The following GTF2H3 variants were observed in gnomAD, a reference collection of about 807,000 sequenced individuals.
GTF2H3 encodes the protein general transcription factor IIH subunit 3.
GTF2H3 carries 42 observed loss-of-function variants against 51.1 expected under a neutral mutation model. The ratio of observed to expected loss-of-function variants is 0.82; its 90% CI spans 0.64 to 1.06. The LOEUF (loss-of-function observed/expected upper bound fraction) is 1.06. Ranked by LOEUF, GTF2H3 falls within the 50% of genes least tolerant of loss-of-function variation. GTF2H3 has a pLI of 0.00. For synonymous variants in GTF2H3, 123 were observed against 123.8 expected, an observed-to-expected ratio of 0.99 and a Z score of 0.04; for missense variants, 326 against 366.1, an observed-to-expected ratio of 0.89 and a Z score of 0.89.
chr12:123,654,276 G>A (rs1955556645), intron 7 of GTF2H3, among the ~76,000 whole-genome samples: 1 of 96,694 alleles, frequency 1.0e-5, no homozygotes, highest in Non-Finnish European at 2.0e-5. Flanking sequence ...GGTGTATTTT[G>A]GGGGGTATGT....
chr12:123,641,766 CT>C (rs1242645472), intron 2 of GTF2H3, among the ~76,000 whole-genome samples: 1 of 152,012 alleles, frequency 6.6e-6, no homozygotes, highest in Non-Finnish European at 1.5e-5. Flanking sequence ...CCTTTACTGT[CT>C]TTTGTGTTAA....
In GTF2H3 at chr12:123,654,916, AT is replaced by A. The variant is rs752896931; in HGVS notation, c.487-3del. ...CCTGGGTGGAATTAACATGACTGTG[AT>A]TTTTAGGTGATTAAGGCTGCAGAAG... On this transcript the variant is annotated splice_polypyrimidine_tract_variant and splice_region_variant and intron_variant, in intron 7 of 12. Coordinates refer to ENST00000543341, the MANE Select transcript of GTF2H3 (RefSeq NM_001516.5). The A allele has an allele frequency of 1.2e-4, 185 of 1,606,534 alleles. No homozygotes were observed. The highest frequency in any genetic ancestry group is 1.4e-4 in the Non-Finnish European group (167 of 1,173,244).
chr12:123,643,402 C>T (rs1055373873), intron 2 of GTF2H3, among the ~76,000 whole-genome samples: 4 of 152,184 alleles, frequency 2.6e-5, no homozygotes, highest in African/African-American at 9.6e-5. Flanking sequence ...AAACATCCGC[C>T]AGCACATCAC....
Position 123,639,310 on chromosome 12 carries a change from T to C in GTF2H3, c.60T>C (p.Ile20=). The C allele has an allele frequency of 6.3e-7, 1 of 1,590,328 alleles. No individual in the cohort carries two copies. The highest frequency in any genetic ancestry group is 1.3e-5 in the African/African-American group (1 of 74,596). The change falls in exon 2 of 13, where the codon ATT becomes ATC. Residue 20 remains isoleucine, a synonymous_variant. Transcript: ENST00000543341. ...LLVIVVDANP[I]WWGKQALKES... ...TTATTGTAGTTGATGCCAACCCAAT[T>C]TGGTGGGGAAAGCAAGCATTAAAGG...
In GTF2H3 at chr12:123,660,400, G is replaced by A; in HGVS notation, c.*165G>A. On this transcript the variant is annotated 3_prime_UTR_variant, in exon 13 of 13. Transcript: ENST00000543341. ...ATCCTTTTCATCCTGTGCTTCTGGA[G>A]GACTGATTTGTTTGAGGGAATCATT... 1.8e-6 allele frequency: 1 copy of A among 545,672 alleles called. No homozygotes were observed. The highest frequency in any genetic ancestry group is 2.8e-5 in the South Asian group (1 of 35,992). The allele number at this position is 545,672 out of a possible 1,614,324, so 33.8% of individuals were successfully genotyped here. A position where few individuals can be genotyped will look rare whatever the true frequency, so the allele number is the denominator to read the frequency against.
rs1301880379 is a variant in GTF2H3 at position 123,661,134 on chromosome 12, A to C, written c.*899A>C. On this transcript the variant is annotated 3_prime_UTR_variant, in exon 13 of 13. Transcript: ENST00000543341. Reference sequence around the variant, plus strand: ...AAGTGAGACCCCATCTCTACTAAAAATTTAAATGTATTTATTAAAACTGTT... The same window carrying C: ...AAGTGAGACCCCATCTCTACTAAAACTTTAAATGTATTTATTAAAACTGTT... 6.6e-6 allele frequency: 1 copy of C among 152,160 alleles called. No homozygotes were observed. Among genetic ancestry groups the C allele is most frequent in the Non-Finnish European group, 1.5e-5 (1 of 68,038 alleles). 9.4% of individuals were successfully genotyped at this position (152,160 alleles called of 1,614,324 possible).
chr12:123,645,374 C>A (rs554198604), intron 2 of GTF2H3, 81 bp from the exon 3 acceptor site: 1 of 783,094 alleles, frequency 1.3e-6, no homozygotes, highest in Non-Finnish European at 2.2e-6. Context: ...CCAGCCTAAA[C>A]GACATCTTAA....
At chr12:123,643,805 T>G (rs1040084747) in intron 2 of GTF2H3, among the ~76,000 whole-genome samples, 2 of 152,044 alleles carry the variant, frequency 1.3e-5, no homozygotes, top group Admixed American at 1.3e-4. Flanking sequence ...TAGATTTAAG[T>G]TTTTTTTCCA....
chr12:123,659,639 TC>T, intron 10 of GTF2H3, 55 bp downstream of exon 10: 1 of 1,567,846 alleles, frequency 6.4e-7, no homozygotes, highest in Non-Finnish European at 8.8e-7. Flanking sequence ...GACCTCTGTG[TC>T]CTGGGAAAGG....
At chr12:123,653,923 G>T (rs1955551299) in intron 7 of GTF2H3, among the ~76,000 whole-genome samples, 4 of 152,134 alleles carry the variant, frequency 2.6e-5, no homozygotes, top group Admixed American at 2.6e-4. Flanking sequence ...TATCATCAGG[G>T]TATTGTTTAA....
In GTF2H3 at chr12:123,633,830, C is replaced by G. The variant is rs560179155; in HGVS notation, c.-30C>G. The G allele has an allele frequency of 1.5e-5, 24 of 1,612,114 alleles. No homozygotes were observed. The highest frequency in any genetic ancestry group is 2.2e-5 in the East Asian group (1 of 44,894). Reference sequence around the variant, plus strand: ...ATTTGAGACGCTCCCCTGACCACCACTTGCTCTGCGCTGAGGTGCTGGGAC... The same window carrying G: ...ATTTGAGACGCTCCCCTGACCACCAGTTGCTCTGCGCTGAGGTGCTGGGAC... On this transcript the variant is annotated 5_prime_UTR_variant, in exon 1 of 13. Transcript: ENST00000543341.
At chr12:123,654,710 G>C in intron 7 of GTF2H3, among the ~76,000 whole-genome samples, 1 of 152,046 alleles carries the variant, frequency 6.6e-6, no homozygotes, top group East Asian at 1.9e-4. Context: ...TGCCCATGTA[G>C]GTGCTCTCCA....
intron 3 of GTF2H3, among the ~76,000 whole-genome samples, chr12:123,646,427 A>G (rs1955448089): frequency 1.3e-5 from 2 of 151,934 alleles, no homozygotes. Flanking sequence ...ACACTCAGCT[A>G]ATTTTTGTAT....
intron 2 of GTF2H3, among the ~76,000 whole-genome samples, chr12:123,644,128 G>A (rs560527857): frequency 6.6e-6 from 1 of 151,504 alleles, no homozygotes; most frequent in East Asian, 2.0e-4. Context: ...CCAGCCACCA[G>A]TGTTCTGTTT....
At chr12:123,641,781 A>C (rs770797442) in intron 2 of GTF2H3, among the ~76,000 whole-genome samples, 1 of 151,962 alleles carries the variant, frequency 6.6e-6, no homozygotes, top group African/African-American at 2.4e-5. Context: ...GTGTTAAATA[A>C]ATATTTTTTA....
chr12:123,659,864 A>C lies in GTF2H3; in HGVS notation c.754A>C (p.Arg252=), dbSNP rs1955634084. The C allele has an allele frequency of 1.2e-6, 2 of 1,613,940 alleles. No individual in the cohort carries two copies. The highest frequency in any genetic ancestry group is 1.7e-6 in the Non-Finnish European group (2 of 1,179,812). ...ILPPPVHVDY[R]AACFCHRNLI... ...CCCACCCCCAGTTCATGTTGACTACAGGGCTGCTTGCTTCTGTCATCGAAA... is the reference window on the plus strand; with the variant it reads ...CCCACCCCCAGTTCATGTTGACTACCGGGCTGCTTGCTTCTGTCATCGAAA... The change falls in exon 11 of 13, where the codon AGG becomes CGG. Residue 252 remains arginine (R), a synonymous_variant. Transcript: ENST00000543341.
Position 123,652,558 on chromosome 12 carries a change from A to G in GTF2H3, c.454A>G (p.Lys152Glu). 6.8e-7 allele frequency: 1 copy of G among 1,476,038 alleles called. No homozygotes were observed. Among genetic ancestry groups the G allele is most frequent in the Non-Finnish European group, 9.3e-7 (1 of 1,075,872 alleles). The allele number at this position is 1,476,038 out of a possible 1,614,324, so 91.4% of individuals were successfully genotyped here. The change falls in exon 6 of 13, where the codon AAA becomes GAA. Residue 152 changes from lysine to glutamate, a missense_variant. Lys to Glu is a moderately conservative substitution (Grantham distance 56, BLOSUM62 1). Coordinates refer to ENST00000543341, the MANE Select transcript of GTF2H3 (RefSeq NM_001516.5). The part of the protein sequence containing the change: ...CYIHRMNKEV[K>E]DNQEMKSRIL... ...CATTCATAGAATGAACAAGGAAGTT[A>G]AAGGTAAGAGCCTACGTTTTCCTAT...
intron 1 of GTF2H3, among the ~76,000 whole-genome samples, chr12:123,636,025 A>G (rs889706612): frequency 6.6e-6 from 1 of 152,194 alleles, no homozygotes; most frequent in African/African-American, 2.4e-5. Context: ...CGAATACCAT[A>G]TATCATATTT....
At chr12:123,659,665 G>A in intron 10 of GTF2H3, 81 bp downstream of exon 10, 1 of 1,500,530 alleles carries the variant, frequency 6.7e-7, no homozygotes, top group East Asian at 2.3e-5. Flanking sequence ...GAAGCAAGAT[G>A]GCTGGTGCTA....
Sources: gnomAD v4.1 joint callset for allele counts (sites outside exome capture counted in the v4.1 genomes callset) on GRCh38, gnomAD v4.1.1 for gene constraint, MANE v1.5 for transcripts, NCBI Gene and HGNC (gene_info 2026-07-23, HGNC 2026-07-21) for gene names.